The following LARGE1 variants were observed in gnomAD, a reference collection of about 807,000 sequenced individuals.
LARGE1 encodes xylosyl- and glucuronyltransferase LARGE1.
Under a neutral mutation model 87.6 loss-of-function variants are expected in LARGE1, and 43 were observed. The observed-to-expected ratio is 0.49, with a 90% CI of 0.38 to 0.63. The LOEUF is 0.63. Among genes scored for constraint, LARGE1 ranks in the 30% least tolerant of loss-of-function variants. The pLI is 0.00. For missense variants in LARGE1, 802 were observed against 1,000.2 expected (o/e 0.80, Z 2.67); for synonymous variants, 434 against 394.6 (o/e 1.10, Z -1.18).
chr22:33,328,757 A>G (rs957817553), intron 10 of LARGE1, among the ~76,000 whole-genome samples: 1 of 152,150 alleles, frequency 6.6e-6, no homozygotes, highest in Non-Finnish European at 1.5e-5. Flanking sequence ...TATTACATTA[A>G]TATGACATAC....
chr22:33,518,598 C>T (rs997946628), intron 6 of LARGE1, among the ~76,000 whole-genome samples: 4 of 152,186 alleles, frequency 2.6e-5, no homozygotes, highest in South Asian at 2.1e-4. Context: ...CACGACCCAC[C>T]GCGCCCGGCC....
At chr22:33,794,181 G>A (rs954136746) in intron 1 of LARGE1, among the ~76,000 whole-genome samples, 1 of 152,162 alleles carries the variant, frequency 6.6e-6, no homozygotes, top group African/African-American at 2.4e-5. Context: ...CCATGTGTCT[G>A]TGCATATAAT....
At chr22:33,268,803 CAT>C (rs1469700485), downstream of LARGE1, among the ~76,000 whole-genome samples, 1 of 152,186 alleles carries the variant, frequency 6.6e-6, no homozygotes, top group Non-Finnish European at 1.5e-5. Flanking sequence ...AAGTTAGTGA[CAT>C]ATTATAGTAC....
At chr22:33,225,517 T>C (rs1281516241) in intron 11 of LARGE1, among the ~76,000 whole-genome samples, 1 of 152,218 alleles carries the variant, frequency 6.6e-6, no homozygotes, top group African/African-American at 2.4e-5. Context: ...GGCCAGGGCA[T>C]TTTCCAGGCA....
At chr22:33,721,297 C>A (rs1349889701) in intron 2 of LARGE1, among the ~76,000 whole-genome samples, 1 of 152,194 alleles carries the variant, frequency 6.6e-6, no homozygotes, top group East Asian at 1.9e-4. Flanking sequence ...GAGCAAAACA[C>A]ACATTCCTTC....
At chr22:33,101,075 C>T in the LARGE1 span, among the ~76,000 whole-genome samples, 1 of 152,068 alleles carries the variant, frequency 6.6e-6, no homozygotes, top group Admixed American at 6.6e-5. Context: ...GAACTCCTGA[C>T]CTGAGGTGAT....
intron 12 of LARGE1, among the ~76,000 whole-genome samples, chr22:33,303,966 G>C (rs895267526): frequency 6.6e-6 from 1 of 152,202 alleles, no homozygotes; most frequent in African/African-American, 2.4e-5. Flanking sequence ...AAAAGCAATA[G>C]ACTGGCAGAC....
chr22:33,738,832 G>A (rs1431833524), intron 2 of LARGE1, among the ~76,000 whole-genome samples: 5 of 144,960 alleles, frequency 3.4e-5, no homozygotes, highest in Non-Finnish European at 7.5e-5. Flanking sequence ...GTGACAGAGC[G>A]AGACTCCGTC....
intron 2 of LARGE1, among the ~76,000 whole-genome samples, chr22:33,681,774 T>C (rs1442249186): frequency 1.3e-5 from 2 of 152,242 alleles, no homozygotes; most frequent in Non-Finnish European, 2.9e-5. Context: ...TAATTTGCAA[T>C]TCTTACTTTG....
chr22:33,184,669 T>C (rs143591016), intron 11 of LARGE1, among the ~76,000 whole-genome samples: 1 of 152,034 alleles, frequency 6.6e-6, no homozygotes, highest in East Asian at 1.9e-4. Context: ...GAGACAATAT[T>C]TGCAAAAACA....
At chr22:33,728,566 A>AC (rs2083348868) in intron 2 of LARGE1, among the ~76,000 whole-genome samples, 2 of 149,456 alleles carry the variant, frequency 1.3e-5, no homozygotes, top group African/African-American at 2.5e-5. Context: ...AAAAAAAAAA[A>AC]AAAAAAAAAA....
At chr22:33,572,743 G>A (rs1051725313) in intron 5 of LARGE1, among the ~76,000 whole-genome samples, 2 of 152,104 alleles carry the variant, frequency 1.3e-5, no homozygotes, top group African/African-American at 4.8e-5. Flanking sequence ...GGTGGCGCAT[G>A]CCTGTAATCC....
intron 7 of LARGE1, among the ~76,000 whole-genome samples, chr22:33,425,757 T>C (rs1202407037): frequency 6.6e-6 from 1 of 152,160 alleles, no homozygotes; most frequent in African/African-American, 2.4e-5. Context: ...ATCTCTAACA[T>C]GCACATATGA....
chr22:33,777,192 C>T (rs1211865662), intron 1 of LARGE1, among the ~76,000 whole-genome samples: 1 of 152,136 alleles, frequency 6.6e-6, no homozygotes, highest in African/African-American at 2.4e-5. Flanking sequence ...TGGCAACCAA[C>T]CGCTCCTTCC....
chr22:33,746,757 C>T (rs568563167), intron 2 of LARGE1, among the ~76,000 whole-genome samples: 9 of 152,326 alleles, frequency 5.9e-5, no homozygotes, highest in Admixed American at 6.5e-5. Flanking sequence ...GGGAGTGAGG[C>T]TGTTGTGCAA....
At chr22:33,701,829 T>C (rs2082412025) in intron 2 of LARGE1, among the ~76,000 whole-genome samples, 1 of 152,210 alleles carries the variant, frequency 6.6e-6, no homozygotes, top group Admixed American at 6.5e-5. Flanking sequence ...GGAAGCAACA[T>C]GGCAGTCCTT....
intron 6 of LARGE1, among the ~76,000 whole-genome samples, chr22:33,511,186 G>C (rs2071038804): frequency 6.6e-6 from 1 of 152,164 alleles, no homozygotes; most frequent in Non-Finnish European, 1.5e-5. Flanking sequence ...TTCACACGCA[G>C]CTTTTACTGC....
intron 4 of LARGE1, among the ~76,000 whole-genome samples, chr22:33,622,246 T>C (rs903889897): frequency 1.3e-5 from 2 of 152,276 alleles, no homozygotes; most frequent in South Asian, 2.1e-4. Context: ...GTTTCCCCCA[T>C]GCTGTTCTCA....
chr22:33,270,195 C>A (rs2145777469), downstream of LARGE1, among the ~76,000 whole-genome samples: 1 of 152,144 alleles, frequency 6.6e-6, no homozygotes, highest in East Asian at 1.9e-4. Flanking sequence ...AAACAAAGAT[C>A]ATGGTATATC....
Sources: allele counts gnomAD v4.1 joint callset (sites outside exome capture counted in the v4.1 genomes callset), GRCh38; gene constraint gnomAD v4.1.1; transcripts MANE v1.5; gene names NCBI Gene and HGNC (gene_info 2026-07-23, HGNC 2026-07-21).